SEMA5A: variants seen among roughly 807,000 people sequenced by gnomAD.
SEMA5A encodes the protein semaphorin-5A.
Under a neutral mutation model 135.5 loss-of-function variants are expected in SEMA5A, and 55 were observed. That is an observed-to-expected ratio of 0.41 (90% CI 0.33 to 0.51). SEMA5A has a LOEUF of 0.51. Among genes scored for constraint, SEMA5A ranks in the 20% least tolerant of loss-of-function variants. The pLI is 0.37. For missense variants in SEMA5A, 1,290 were observed against 1,419.9 expected (o/e 0.91, Z 1.47); for synonymous variants, 580 against 546.5 (o/e 1.06, Z -0.85).
At chr5:9,354,175 T>G (rs573012461) in intron 3 of SEMA5A, among the ~76,000 whole-genome samples, 1 of 152,256 alleles carries the variant, frequency 6.6e-6, no homozygotes, top group African/African-American at 2.4e-5. Flanking sequence ...CTTTTTGGTG[T>G]ATTTTGGCCA....
intron 5 of SEMA5A, among the ~76,000 whole-genome samples, chr5:9,301,126 A>T (rs987127048): frequency 6.6e-6 from 1 of 152,236 alleles, no homozygotes; most frequent in African/African-American, 2.4e-5. Flanking sequence ...TTTGACAACT[A>T]TATTAACAAG....
chr5:9,182,705 A>G (rs1449204950), intron 11 of SEMA5A, among the ~76,000 whole-genome samples: 1 of 151,136 alleles, frequency 6.6e-6, no homozygotes, highest in Non-Finnish European at 1.5e-5. Context: ...TTACAATGCA[A>G]TGACATCTAG....
At chr5:9,115,651 A>G (rs968037214) in intron 15 of SEMA5A, among the ~76,000 whole-genome samples, 1 of 152,164 alleles carries the variant, frequency 6.6e-6, no homozygotes, top group African/African-American at 2.4e-5. Context: ...GAGATGGCTT[A>G]ATGGGATAAG....
intron 15 of SEMA5A, among the ~76,000 whole-genome samples, chr5:9,111,521 A>T (rs1359404299): frequency 6.6e-6 from 1 of 152,182 alleles, no homozygotes. Context: ...TGGAACTTTC[A>T]GCCAGTGTTA....
chr5:9,503,616 A>G (rs908143824), intron 1 of SEMA5A, among the ~76,000 whole-genome samples: 2 of 152,210 alleles, frequency 1.3e-5, no homozygotes. Context: ...CTAAAGTTGC[A>G]TTTAAAATTT....
At chr5:9,073,028 C>A (rs1737853717) in intron 16 of SEMA5A, among the ~76,000 whole-genome samples, 2 of 152,076 alleles carry the variant, frequency 1.3e-5, no homozygotes, top group Non-Finnish European at 2.9e-5. Flanking sequence ...TGCAACATGC[C>A]AGCTGTAACA....
chr5:9,138,244 G>A (rs1442640953), intron 12 of SEMA5A, among the ~76,000 whole-genome samples: 1 of 152,148 alleles, frequency 6.6e-6, no homozygotes, highest in Non-Finnish European at 1.5e-5. Context: ...TAAAGGACAA[G>A]GGGAAAGCCT....
intron 6 of SEMA5A, among the ~76,000 whole-genome samples, chr5:9,227,390 C>A (rs1036000028): frequency 6.6e-6 from 1 of 152,132 alleles, no homozygotes; most frequent in Non-Finnish European, 1.5e-5. Context: ...AGATGTCGCT[C>A]GGGAAGCAGT....
chr5:9,430,811 C>A (rs1487245567), intron 2 of SEMA5A, among the ~76,000 whole-genome samples: 1 of 151,390 alleles, frequency 6.6e-6, no homozygotes, highest in Non-Finnish European at 1.5e-5. Context: ...ACAACAAGTA[C>A]AGGCAAATAC....
chr5:9,500,691 C>A (rs867648533), intron 1 of SEMA5A, among the ~76,000 whole-genome samples: 6 of 152,170 alleles, frequency 3.9e-5, no homozygotes, highest in Non-Finnish European at 7.3e-5. Flanking sequence ...ATATCACATG[C>A]AGTATATAGG....
rs1057190518 is a variant in SEMA5A at position 9,204,868 on chromosome 5, G to A, written c.647-2628C>T. Among the ~76,000 whole-genome samples the A allele has an allele frequency of 2.6e-5, 4 of 152,256 alleles. No homozygotes were observed. The highest frequency in any genetic ancestry group is 4.4e-5 in the Non-Finnish European group (3 of 68,020). On this transcript the variant is annotated intron_variant, in intron 8 of 22. Coordinates refer to ENST00000382496, the MANE Select transcript of SEMA5A (RefSeq NM_003966.3). The surrounding 1 kb of genome is among the most constrained non-coding windows in gnomAD (Gnocchi z 6.4). Reference sequence around the variant, plus strand: ...CAGTGGCAGCATTAAATTCTCATAGGAGCAGGAACCCTACTGTGAACTGTG... The same window carrying A: ...CAGTGGCAGCATTAAATTCTCATAGAAGCAGGAACCCTACTGTGAACTGTG...
At chr5:9,479,515 C>A (rs992946732) in intron 1 of SEMA5A, among the ~76,000 whole-genome samples, 4 of 152,138 alleles carry the variant, frequency 2.6e-5, no homozygotes, top group Admixed American at 2.6e-4. Context: ...AGTGTCGGAG[C>A]GTCAGCTTCC....
chr5:9,255,194 G>A (rs768582457), intron 5 of SEMA5A, among the ~76,000 whole-genome samples: 4 of 152,168 alleles, frequency 2.6e-5, no homozygotes, highest in Non-Finnish European at 5.9e-5. Flanking sequence ...GGGAACAAAG[G>A]AGATACAGTG....
intron 5 of SEMA5A, among the ~76,000 whole-genome samples, chr5:9,318,021 G>A (rs115685828): frequency 0.043 from 6,600 of 152,176 alleles, 163 homozygotes; most frequent in Admixed American, 0.053. Flanking sequence ...ATTGATGCCC[G>A]GATGCATCAA....
At chr5:9,155,628 C>T (rs1806147) in intron 11 of SEMA5A, among the ~76,000 whole-genome samples, 23,558 of 152,134 alleles carry the variant, frequency 0.15, 1,856 homozygotes, top group South Asian at 0.29. Context: ...TCCATGATCC[C>T]GAGTTTCAAA....
chr5:9,090,972 G>C (rs1488909360), intron 16 of SEMA5A, among the ~76,000 whole-genome samples: 1 of 152,094 alleles, frequency 6.6e-6, no homozygotes, highest in African/African-American at 2.4e-5. Context: ...ACCTCCTTTG[G>C]TAATAGGAGG....
chr5:9,202,301 G>T, intron 8 of SEMA5A, 61 bp from the exon 9 acceptor site: 2 of 1,551,796 alleles, frequency 1.3e-6, no homozygotes, highest in Non-Finnish European at 1.8e-6. Flanking sequence ...TTTTGGTCTT[G>T]CCTGCTCAGT....
At chr5:9,324,793 C>G (rs1038774132) in intron 4 of SEMA5A, among the ~76,000 whole-genome samples, 7 of 152,178 alleles carry the variant, frequency 4.6e-5, no homozygotes, top group Admixed American at 4.6e-4. Context: ...ATTGTGTGAG[C>G]ACAGAGGAGG....
chr5:9,352,425 T>C (rs536422177), intron 3 of SEMA5A, among the ~76,000 whole-genome samples: 10 of 152,298 alleles, frequency 6.6e-5, no homozygotes, highest in African/African-American at 2.4e-4. Context: ...AATTTTTGTA[T>C]TTTTCGTAAA....
Sources: allele counts gnomAD v4.1 joint callset (sites outside exome capture counted in the v4.1 genomes callset), GRCh38; gene constraint gnomAD v4.1.1; non-coding constraint Gnocchi (gnomAD v3.1); transcripts MANE v1.5; gene names NCBI Gene and HGNC (gene_info 2026-07-23, HGNC 2026-07-21).